MAML2: variants seen among roughly 807,000 people sequenced by gnomAD.
The protein encoded by MAML2 is mastermind-like protein 2.
Under a neutral mutation model 96.1 loss-of-function variants are expected in MAML2, and 22 were observed. The observed-to-expected ratio is 0.23, with a 90% confidence interval of 0.16 to 0.33. MAML2 has a LOEUF of 0.33. MAML2 is among the 10% of genes least tolerant of loss of function. The pLI, the probability that MAML2 is intolerant of heterozygous loss-of-function variation, is 1.00. For missense variants in MAML2, 1,367 were observed against 1,392.4 expected (o/e 0.98, Z 0.29); for synonymous variants, 561 against 521.3 (o/e 1.08, Z -1.04).
intron 2 of MAML2, among the ~76,000 whole-genome samples, chr11:96,052,684 G>A (rs1223217350): frequency 6.6e-6 from 1 of 152,166 alleles, no homozygotes; most frequent in African/African-American, 2.4e-5. Flanking sequence ...CCTGTGTATA[G>A]AGTCTTAGAC....
chr11:96,113,512 C>G (rs889126943), intron 1 of MAML2, among the ~76,000 whole-genome samples: 4 of 150,826 alleles, frequency 2.7e-5, no homozygotes, highest in African/African-American at 9.8e-5. Flanking sequence ...AGTAGATTTG[C>G]TGCCAAGCTA....
intron 1 of MAML2, among the ~76,000 whole-genome samples, chr11:96,142,026 T>C (rs1053877428): frequency 6.6e-6 from 1 of 152,244 alleles, no homozygotes; most frequent in African/African-American, 2.4e-5. Flanking sequence ...CAGTCTGTTA[T>C]GTGTAGCTAA....
intron 2 of MAML2, among the ~76,000 whole-genome samples, chr11:96,062,219 C>T (rs1437752515): frequency 1.3e-5 from 2 of 152,080 alleles, no homozygotes; most frequent in East Asian, 1.9e-4. Context: ...ATTACTACAA[C>T]TGTGATGTGG....
intron 2 of MAML2, among the ~76,000 whole-genome samples, chr11:96,006,169 T>C (rs1858175562): frequency 6.6e-6 from 1 of 152,198 alleles, no homozygotes; most frequent in African/African-American, 2.4e-5. Context: ...AGCCACTAAA[T>C]ACTTCAGTGA....
intron 1 of MAML2, among the ~76,000 whole-genome samples, chr11:96,291,043 A>G (rs550307698): frequency 6.6e-6 from 1 of 151,996 alleles, no homozygotes; most frequent in African/African-American, 2.4e-5. Context: ...AAGTTGGTAA[A>G]TAAAGACTTG....
At position 96,092,723 on chromosome 11, in the gene MAML2, G is replaced by A. The variant is rs1404549669; in HGVS notation, c.1308C>T (p.Leu436=). Reference sequence around the variant, plus strand: ...GCTGACGATTAGCAGCTATCTGTTTGAGCTGCTGGGCATGGGATACTTCCT... The same window carrying A: ...GCTGACGATTAGCAGCTATCTGTTTAAGCTGCTGGGCATGGGATACTTCCT... The part of the protein sequence containing the change: ...SWQEVSHAQQ[L]KQIAANRQQH... Residue 436 remains leucine, a synonymous_variant, in exon 2 of 5, where the codon CTC becomes CTT. Transcript: ENST00000524717. The surrounding 1 kb of genome is among the most constrained non-coding windows in gnomAD (Gnocchi z 4.1). The A allele has an allele frequency of 3.7e-6, 6 of 1,613,978 alleles. No individual in the cohort carries two copies. Among genetic ancestry groups the A allele is most frequent in the Non-Finnish European group, 5.1e-6 (6 of 1,179,914 alleles).
chr11:96,250,305 A>C (rs576903024), intron 1 of MAML2, among the ~76,000 whole-genome samples: 8 of 152,222 alleles, frequency 5.3e-5, no homozygotes, highest in African/African-American at 1.7e-4. Flanking sequence ...GTACATATTC[A>C]TGAGGTACAT....
intron 3 of MAML2, among the ~76,000 whole-genome samples, chr11:95,990,936 A>C (rs532437636): frequency 6.6e-6 from 1 of 152,070 alleles, no homozygotes; most frequent in Non-Finnish European, 1.5e-5. Flanking sequence ...GTCAAATATT[A>C]GGTTGGTGCA....
At chr11:96,161,097 A>C (rs1688564963) in intron 1 of MAML2, among the ~76,000 whole-genome samples, 1 of 152,242 alleles carries the variant, frequency 6.6e-6, no homozygotes, top group South Asian at 2.1e-4. Context: ...GTCAATGAAA[A>C]GTAGGAATGT....
At chr11:96,228,893 G>A (rs954169326) in intron 1 of MAML2, among the ~76,000 whole-genome samples, 3 of 152,032 alleles carry the variant, frequency 2.0e-5, no homozygotes, top group Admixed American at 1.3e-4. Context: ...CTATGTTCAC[G>A]CGGTCTCTTG....
intron 1 of MAML2, among the ~76,000 whole-genome samples, chr11:96,323,121 A>C (rs1863729446): frequency 6.6e-6 from 1 of 151,168 alleles, no homozygotes; most frequent in African/African-American, 2.4e-5. Flanking sequence ...AAAAAAAAAA[A>C]AGCACTCTCC....
At chr11:96,304,330 A>G (rs1344884947) in intron 1 of MAML2, among the ~76,000 whole-genome samples, 1 of 152,232 alleles carries the variant, frequency 6.6e-6, no homozygotes, top group Non-Finnish European at 1.5e-5. Context: ...AGGGTTGATG[A>G]GGAAGCTTGG....
At chr11:96,074,675 G>C (rs1859405840) in intron 2 of MAML2, among the ~76,000 whole-genome samples, 1 of 152,174 alleles carries the variant, frequency 6.6e-6, no homozygotes, top group Non-Finnish European at 1.5e-5. Flanking sequence ...TGCTGTGAGA[G>C]GAATAAAAGG....
intron 2 of MAML2, among the ~76,000 whole-genome samples, chr11:96,076,417 G>C (rs1859436381): frequency 8.8e-6 from 1 of 113,646 alleles, no homozygotes; most frequent in East Asian, 2.3e-4. Flanking sequence ...GCTCTCTTTT[G>C]TCTCTCTCTC....
chr11:96,247,058 G>A (rs1342153471), intron 1 of MAML2, among the ~76,000 whole-genome samples: 1 of 152,064 alleles, frequency 6.6e-6, no homozygotes, highest in African/African-American at 2.4e-5. Flanking sequence ...TTAGTGTGTT[G>A]CTGGAAACTG....
At chr11:96,191,253 C>A (rs1184851129) in intron 1 of MAML2, among the ~76,000 whole-genome samples, 1 of 151,982 alleles carries the variant, frequency 6.6e-6, no homozygotes, top group Non-Finnish European at 1.5e-5. Context: ...ATCACAAGGT[C>A]AAGAGATTGA....
At chr11:96,157,015 G>C (rs1861020533) in intron 1 of MAML2, among the ~76,000 whole-genome samples, 1 of 152,190 alleles carries the variant, frequency 6.6e-6, no homozygotes, top group African/African-American at 2.4e-5. Context: ...GACTCAGAAG[G>C]CAAAAGGGTT....
intron 1 of MAML2, among the ~76,000 whole-genome samples, chr11:96,234,860 G>A (rs1862346128): frequency 6.6e-6 from 1 of 152,108 alleles, no homozygotes; most frequent in African/African-American, 2.4e-5. Context: ...AATTTTTTAA[G>A]AGATAAGTGA....
intron 1 of MAML2, among the ~76,000 whole-genome samples, chr11:96,195,194 A>AAGAAG (rs1327633176): frequency 6.6e-5 from 10 of 151,202 alleles, no homozygotes; most frequent in East Asian, 1.9e-4. Context: ...CATTCAAATT[A>AAGAAG]AAAAGAAAAG....
Sources: allele counts gnomAD v4.1 joint callset (sites outside exome capture counted in the v4.1 genomes callset), GRCh38; gene constraint gnomAD v4.1.1; non-coding constraint Gnocchi (gnomAD v3.1); transcripts MANE v1.5; gene names NCBI Gene and HGNC (gene_info 2026-07-23, HGNC 2026-07-21).